The following SCAI variants were observed in gnomAD, a reference collection of about 807,000 sequenced individuals.
SCAI encodes protein SCAI.
A neutral mutation model predicts 92.2 loss-of-function variants in SCAI; 24 were observed. That is an observed-to-expected ratio of 0.26 (90% CI 0.19 to 0.37). The LOEUF is 0.37. Among genes scored for constraint, SCAI ranks in the 10% least tolerant of loss-of-function variants. The pLI is 1.00. For synonymous variants in SCAI, 261 were observed against 258.6 expected (o/e 1.01, Z -0.09); for missense variants, 450 against 736.2 (o/e 0.61, Z 4.50).
At chr9:125,036,386 G>A (rs976611185) in intron 3 of SCAI, among the ~76,000 whole-genome samples, 1 of 152,088 alleles carries the variant, frequency 6.6e-6, no homozygotes, top group Non-Finnish European at 1.5e-5. Flanking sequence ...ATTGTGGCAG[G>A]ATATCAAAGG....
chr9:124,967,891 C>G (rs1588122208), intron 17 of SCAI, among the ~76,000 whole-genome samples: 1 of 152,216 alleles, frequency 6.6e-6, no homozygotes, highest in East Asian at 1.9e-4. Context: ...TGAGACAGAA[C>G]AGTGAGCAGG....
intron 13 of SCAI, among the ~76,000 whole-genome samples, chr9:124,995,455 C>G (rs1163851991): frequency 1.3e-5 from 2 of 151,996 alleles, no homozygotes. Flanking sequence ...CTTAATACTG[C>G]AGGTAGTAAG....
At chr9:124,998,190 C>T (rs1184589727) in intron 13 of SCAI, among the ~76,000 whole-genome samples, 1 of 152,062 alleles carries the variant, frequency 6.6e-6, no homozygotes, top group Non-Finnish European at 1.5e-5. Context: ...TCAGGCCCAG[C>T]GCGGTGGCTC....
chr9:125,094,282 T>C (rs1834501418), intron 2 of SCAI, among the ~76,000 whole-genome samples: 1 of 152,150 alleles, frequency 6.6e-6, no homozygotes, highest in Non-Finnish European at 1.5e-5. Context: ...CATCCTACTA[T>C]TCTCATTCAT....
intron 14 of SCAI, among the ~76,000 whole-genome samples, chr9:124,983,418 C>A (rs908385955): frequency 1.3e-5 from 2 of 152,128 alleles, no homozygotes; most frequent in Non-Finnish European, 2.9e-5. Flanking sequence ...CAGTGGCGAT[C>A]TCAGCTCACT....
At chr9:124,977,128 C>T (rs1013087468) in intron 14 of SCAI, among the ~76,000 whole-genome samples, 1 of 152,110 alleles carries the variant, frequency 6.6e-6, no homozygotes, top group African/African-American at 2.4e-5. Flanking sequence ...CTCGGCCTCC[C>T]AAAATGCTGG....
At chr9:125,008,091 C>T (rs1386461077) in intron 9 of SCAI, among the ~76,000 whole-genome samples, 2 of 151,782 alleles carry the variant, frequency 1.3e-5, no homozygotes, top group Non-Finnish European at 2.9e-5. Flanking sequence ...GTGATCCGCC[C>T]GCCTCGGCCT....
At chr9:124,989,705 G>A (rs1192868707) in intron 14 of SCAI, among the ~76,000 whole-genome samples, 1 of 151,080 alleles carries the variant, frequency 6.6e-6, no homozygotes, top group Non-Finnish European at 1.5e-5. Flanking sequence ...CCAACATGGA[G>A]AAACCCCGTT....
chr9:125,055,802 C>G, intron 3 of SCAI, 74 bp downstream of exon 3: 1 of 1,331,240 alleles, frequency 7.5e-7, no homozygotes. Context: ...TTTTCGGAAA[C>G]TTACCACACA....
At chr9:125,066,032 T>A (rs1188855296) in intron 2 of SCAI, 1 of 772,238 alleles carries the variant, frequency 1.3e-6, no homozygotes, top group Admixed American at 1.7e-5. Flanking sequence ...AGATTGTGAA[T>A]GACTGCTATC....
At chr9:125,011,196 G>A (rs1458748894) in intron 9 of SCAI, among the ~76,000 whole-genome samples, 14 of 152,350 alleles carry the variant, frequency 9.2e-5, no homozygotes, top group Non-Finnish European at 1.5e-4. Flanking sequence ...TGACTTTGAC[G>A]AGTTGAGAGA....
At chr9:125,012,147 C>T (rs1049031212) in intron 9 of SCAI, among the ~76,000 whole-genome samples, 3 of 152,128 alleles carry the variant, frequency 2.0e-5, no homozygotes, top group African/African-American at 7.2e-5. Context: ...AACCAGCTAA[C>T]ATCATAATGA....
chr9:125,031,398 G>T (rs896063077), intron 3 of SCAI, among the ~76,000 whole-genome samples: 8 of 151,910 alleles, frequency 5.3e-5, no homozygotes, highest in Middle Eastern at 3.4e-3. Context: ...AGTAACTGGG[G>T]CTACAGGTGC....
chr9:125,052,617 T>G (rs951372285), intron 3 of SCAI, among the ~76,000 whole-genome samples: 20 of 150,478 alleles, frequency 1.3e-4, no homozygotes, highest in African/African-American at 4.6e-4. Context: ...GAGCAAAACT[T>G]CATCTCAAAA....
chr9:125,050,665 C>A (rs527389605), intron 3 of SCAI, among the ~76,000 whole-genome samples: 15 of 152,222 alleles, frequency 9.9e-5, no homozygotes, highest in African/African-American at 3.6e-4. Flanking sequence ...TTCAAACCCC[C>A]GGGTTCAAGT....
intron 2 of SCAI, among the ~76,000 whole-genome samples, chr9:125,107,850 CCTCTCT>C (rs1163893650): frequency 6.6e-6 from 1 of 152,180 alleles, no homozygotes; most frequent in Non-Finnish European, 1.5e-5. Flanking sequence ...TCTCCCTCTC[CCTCTCT>C]TTCCACGGTC....
At chr9:124,990,487 T>C in intron 14 of SCAI, among the ~76,000 whole-genome samples, 1 of 152,066 alleles carries the variant, frequency 6.6e-6, no homozygotes, top group East Asian at 1.9e-4. Flanking sequence ...AGCCTCCCTC[T>C]AAAACAAAAC....
At chr9:125,010,010 C>T (rs1033843438) in intron 9 of SCAI, among the ~76,000 whole-genome samples, 2 of 152,212 alleles carry the variant, frequency 1.3e-5, no homozygotes, top group South Asian at 2.1e-4. Flanking sequence ...CTGGTTAACA[C>T]GGTGAAACCC....
chr9:124,961,901 G>T (rs1275578360), intron 17 of SCAI, among the ~76,000 whole-genome samples: 1 of 145,524 alleles, frequency 6.9e-6, no homozygotes, highest in Non-Finnish European at 1.5e-5. Flanking sequence ...TTCCAGAAAA[G>T]GTACTTTCTT....
Sources: allele counts gnomAD v4.1 joint callset (sites outside exome capture counted in the v4.1 genomes callset), GRCh38; gene constraint gnomAD v4.1.1; transcripts MANE v1.5; gene names NCBI Gene and HGNC (gene_info 2026-07-23, HGNC 2026-07-21).